UBE2D3: variants seen among roughly 807,000 people sequenced by gnomAD.
UBE2D3 encodes the protein ubiquitin conjugating enzyme E2 D3.
A neutral mutation model predicts 22.8 loss-of-function variants in UBE2D3; 2 were observed. The ratio of observed to expected loss-of-function variants is 0.09; its 90% CI spans 0.04 to 0.28. UBE2D3 has a LOEUF of 0.28. Among genes scored for constraint, UBE2D3 ranks in the 10% least tolerant of loss-of-function variants. The pLI is 1.00. For synonymous variants in UBE2D3, 56 were observed against 60.4 expected (o/e 0.93, Z 0.34); for missense variants, 27 against 182.5 (o/e 0.15, Z 4.91).
At chr4:102,867,778 T>C (rs1012556399) in intron 1 of UBE2D3, among the ~76,000 whole-genome samples, 4 of 152,158 alleles carry the variant, frequency 2.6e-5, no homozygotes, top group South Asian at 2.1e-4. Flanking sequence ...GCCTGGGCGA[T>C]AGAGCGAAAC....
chr4:102,868,821 G>C lies in UBE2D3; in HGVS notation c.-235C>G. The C allele has an allele frequency of 1.9e-6, 3 of 1,600,958 alleles. No homozygotes were observed. The Admixed American group carries it at 5.0e-5, about 27-fold the overall frequency. The stretch of plus-strand genomic sequence containing the variant: ...ATCTACAGACGTTAAAGGCCCAAGA[G>C]GAGGGCCACCTTCACACGAGATTCC... On this transcript the variant is annotated 5_prime_UTR_variant, in exon 1 of 8. Transcript: ENST00000338145.
chr4:102,810,601 A>G (rs971675431), intron 2 of UBE2D3: 24 of 152,016 alleles, frequency 1.6e-4, no homozygotes, highest in African/African-American at 5.3e-4. Context: ...ATGGGTCTCG[A>G]TCTCCTGACC....
rs756803964 is a variant in UBE2D3 at position 102,795,472 on chromosome 4, C to CA, written c.*1942dup. The CA allele has an allele frequency of 8.6e-5, 13 of 151,876 alleles. No individual in the cohort carries two copies. Among genetic ancestry groups the CA allele is most frequent in the Admixed American group, 3.3e-4 (5 of 15,228 alleles). 9.4% of individuals were successfully genotyped at this position (151,876 alleles called of 1,614,324 possible). A position where few individuals can be genotyped will look rare whatever the true frequency, so the allele number is the denominator to read the frequency against. The stretch of plus-strand genomic sequence containing the variant: ...TAATTTCTCATTCATAATTTGAATC[C>CA]AAAAAAGTTATGCAGTATGACATCT... On this transcript the variant is annotated 3_prime_UTR_variant, in exon 8 of 8. Coordinates refer to ENST00000453744, the MANE Select transcript of UBE2D3 (RefSeq NM_181891.3).
In UBE2D3 at chr4:102,795,928, C is replaced by G. The variant is rs1372863621; in HGVS notation, c.*1487G>C. ...AAGAATGGTAATGCCCTTGTTACTA[C>G]AGAAGTTAAATCAGTGGCACAGATA... On this transcript the variant is annotated 3_prime_UTR_variant, in exon 8 of 8. Coordinates refer to ENST00000453744, the MANE Select transcript of UBE2D3 (RefSeq NM_181891.3). 2 of 152,424 alleles carry G rather than the reference C, an allele frequency of 1.3e-5. No individual in the cohort carries two copies. The highest frequency in any genetic ancestry group is 1.3e-4 in the Admixed American group (2 of 15,246). The allele number at this position is 152,424 out of a possible 1,614,324, so 9.4% of individuals were successfully genotyped here.
chr4:102,809,767 A>G lies in UBE2D3; in HGVS notation c.88+25T>C, dbSNP rs764933364. On this transcript the variant is annotated intron_variant, in intron 3 of 7. Coordinates refer to ENST00000453744, the MANE Select transcript of UBE2D3 (RefSeq NM_181891.3). ...ACAAGCTTAAAAAAAAATTAGGCAT[A>G]AAAATCAACTTGCAAGTTACTTACT... 2.5e-6 allele frequency: 4 copies of G among 1,613,670 alleles called. No individual in the cohort carries two copies. The East Asian group carries it at 6.7e-5, about 27-fold the overall frequency.
At chr4:102,845,020 T>C (rs1157969577) in intron 1 of UBE2D3, among the ~76,000 whole-genome samples, 9 of 58,704 alleles carry the variant, frequency 1.5e-4, no homozygotes, top group African/African-American at 1.1e-3. Flanking sequence ...AGACTCCATC[T>C]CAAAAAAAAA....
intron 1 of UBE2D3, among the ~76,000 whole-genome samples, chr4:102,868,206 G>T (rs1560898901): frequency 6.6e-6 from 1 of 151,294 alleles, no homozygotes; most frequent in Non-Finnish European, 1.5e-5. Context: ...CCGAGTAGCT[G>T]GGACAGGCAC....
intron 2 of UBE2D3, among the ~76,000 whole-genome samples, chr4:102,819,992 G>T (rs1179780456): frequency 6.6e-6 from 1 of 152,090 alleles, no homozygotes; most frequent in African/African-American, 2.4e-5. Context: ...AACCTATACT[G>T]AGCAACACAA....
intron 2 of UBE2D3, among the ~76,000 whole-genome samples, chr4:102,821,813 A>C (rs1729664304): frequency 6.6e-6 from 1 of 152,172 alleles, no homozygotes; most frequent in Non-Finnish European, 1.5e-5. Flanking sequence ...TAAAAACTCC[A>C]AATGTTCTGG....
At chr4:102,853,078 C>T (rs540749381) in intron 1 of UBE2D3, among the ~76,000 whole-genome samples, 1 of 150,572 alleles carries the variant, frequency 6.6e-6, no homozygotes, top group Non-Finnish European at 1.5e-5. Flanking sequence ...TCTGTTTATA[C>T]AGCACCTATG....
chr4:102,848,081 C>T (rs535689983), intron 1 of UBE2D3, among the ~76,000 whole-genome samples: 1 of 152,146 alleles, frequency 6.6e-6, no homozygotes. Context: ...CTGGCATAAA[C>T]GGGTTAAGTA....
At chr4:102,863,341 G>A (rs777214265) in intron 1 of UBE2D3, among the ~76,000 whole-genome samples, 2 of 152,176 alleles carry the variant, frequency 1.3e-5, no homozygotes, top group East Asian at 1.9e-4. Flanking sequence ...GTGAGCCACC[G>A]AGCCCGGCCC....
At chr4:102,807,839 G>A (rs1406589624) in intron 4 of UBE2D3, among the ~76,000 whole-genome samples, 1 of 152,046 alleles carries the variant, frequency 6.6e-6, no homozygotes, top group Non-Finnish European at 1.5e-5. Flanking sequence ...TATGTTCCTT[G>A]CCTTTTGGGA....
At chr4:102,802,926 C>T (rs573887968) in intron 4 of UBE2D3, among the ~76,000 whole-genome samples, 1 of 152,124 alleles carries the variant, frequency 6.6e-6, no homozygotes, top group South Asian at 2.1e-4. Flanking sequence ...AAGTACAACA[C>T]AGCAATAAAG....
At chr4:102,812,363 G>C (rs1282909838) in intron 2 of UBE2D3, 1 of 152,208 alleles carries the variant, frequency 6.6e-6, no homozygotes, top group African/African-American at 2.4e-5. Context: ...ACAAATTTAT[G>C]TAAGGGTCCC....
intron 1 of UBE2D3, chr4:102,868,679 C>T: frequency 1.2e-6 from 2 of 1,613,592 alleles, no homozygotes; most frequent in Non-Finnish European, 1.7e-6. Context: ...AGAGGCGGGG[C>T]GAGAGGGGAC....
intron 1 of UBE2D3, among the ~76,000 whole-genome samples, chr4:102,851,242 T>G (rs897381200): frequency 1.3e-5 from 2 of 152,234 alleles, no homozygotes; most frequent in African/African-American, 4.8e-5. Flanking sequence ...CTAGCTATCT[T>G]TGTGACTTGC....
chr4:102,796,746 T>C lies in UBE2D3; in HGVS notation c.*669A>G, dbSNP rs553230989. 2.0e-5 allele frequency: 3 copies of C among 152,568 alleles called. No individual in the cohort carries two copies. Among genetic ancestry groups the C allele is most frequent in the East Asian group, 1.9e-4 (1 of 5,188 alleles). 9.5% of individuals were successfully genotyped at this position (152,568 alleles called of 1,614,324 possible). A position where few individuals can be genotyped will look rare whatever the true frequency, so the allele number is the denominator to read the frequency against. On this transcript the variant is annotated 3_prime_UTR_variant, in exon 8 of 8. Transcript: ENST00000453744. ...CTAATAGCTCCAAGCCTCCTAACAATTTAAATGAAAATTACAAAATGTTTG... is the reference window on the plus strand; with the variant it reads ...CTAATAGCTCCAAGCCTCCTAACAACTTAAATGAAAATTACAAAATGTTTG...
intron 7 of UBE2D3, chr4:102,798,920 C>T: frequency 6.2e-7 from 1 of 1,611,574 alleles, no homozygotes; most frequent in Non-Finnish European, 8.5e-7. Context: ...GAGTGCAGAT[C>T]CTCTTACCCT....
Sources: allele counts gnomAD v4.1 joint callset (sites outside exome capture counted in the v4.1 genomes callset), GRCh38; gene constraint gnomAD v4.1.1; transcripts MANE v1.5; gene names NCBI Gene and HGNC (gene_info 2026-07-23, HGNC 2026-07-21).